The following RC3H1 variants were observed in gnomAD, a reference collection of about 807,000 sequenced individuals.
RC3H1 encodes roquin-1.
In RC3H1, 50 loss-of-function variants were observed where a neutral mutation model predicts 138.2. The ratio of observed to expected loss-of-function variants is 0.36; its 90% CI spans 0.29 to 0.46. The LOEUF (loss-of-function observed/expected upper bound fraction) is 0.46. Ranked by LOEUF, RC3H1 falls within the 20% of genes least tolerant of loss-of-function variation. The probability of loss-of-function intolerance (pLI) is 1.00; values close to 1 mark genes in which losing one functional copy is unlikely to be tolerated. For missense variants in RC3H1, 1,031 were observed against 1,388.1 expected, an observed-to-expected ratio of 0.74 and a Z score of 4.09; for synonymous variants, 462 against 489.1, an observed-to-expected ratio of 0.94 and a Z score of 0.73.
At chr1:173,955,507 G>A (rs1006627558) in intron 13 of RC3H1, among the ~76,000 whole-genome samples, 1 of 151,488 alleles carries the variant, frequency 6.6e-6, no homozygotes, top group Non-Finnish European at 1.5e-5. Flanking sequence ...ATTTTTCGTA[G>A]AGACAGGGTT....
In RC3H1 at chr1:174,012,036, C is replaced by T. The variant is rs541364752; in HGVS notation, c.-151+10060G>A. Reference sequence around the variant, plus strand: ...GACCAGCCTGGGCAACACGGCAAGACGCCGTCTCTACAAAAAATACAAAAA... The same window carrying T: ...GACCAGCCTGGGCAACACGGCAAGATGCCGTCTCTACAAAAAATACAAAAA... On this transcript the variant is annotated intron_variant, in intron 1 of 19. Coordinates refer to ENST00000367696, the MANE Select transcript of RC3H1 (RefSeq NM_172071.4). 8.5e-5 allele frequency among the ~76,000 whole-genome samples: 13 copies of T among 152,164 alleles called. No individual in the cohort carries two copies. In the South Asian group the frequency reaches 2.3e-3, roughly 27 times the overall value.
At chr1:174,008,612 G>A (rs1478609813) in intron 1 of RC3H1, among the ~76,000 whole-genome samples, 4 of 152,158 alleles carry the variant, frequency 2.6e-5, no homozygotes, top group Non-Finnish European at 4.4e-5. Context: ...TAGCCACAAT[G>A]TATCTTGTTT....
chr1:173,933,548 G>C lies in RC3H1; in HGVS notation c.*5173C>G, dbSNP rs1177380062. 1 of 152,050 alleles carries C rather than the reference G, an allele frequency of 6.6e-6. No homozygotes were observed. Among genetic ancestry groups the C allele is most frequent in the Non-Finnish European group, 1.5e-5 (1 of 67,958 alleles). 9.4% of individuals were successfully genotyped at this position (152,050 alleles called of 1,614,324 possible). ...TAAGATTTACTTGCTACAATTAATAGTACCTTTTGACAAAAACAGCTTTCT... is the reference window on the plus strand; with the variant it reads ...TAAGATTTACTTGCTACAATTAATACTACCTTTTGACAAAAACAGCTTTCT... On this transcript the variant is annotated 3_prime_UTR_variant, in exon 20 of 20. Coordinates refer to ENST00000367696, the MANE Select transcript of RC3H1 (RefSeq NM_172071.4).
At chr1:173,998,853 G>A (rs1403756234) in intron 1 of RC3H1, among the ~76,000 whole-genome samples, 1 of 152,172 alleles carries the variant, frequency 6.6e-6, no homozygotes, top group Non-Finnish European at 1.5e-5. Context: ...GCACTTTTGG[G>A]TGGCTGAGGT....
At chr1:173,970,838 T>C (rs907898328) in intron 8 of RC3H1, among the ~76,000 whole-genome samples, 4 of 152,204 alleles carry the variant, frequency 2.6e-5, no homozygotes, top group Non-Finnish European at 5.9e-5. Context: ...TTCTGATATG[T>C]TGATATTAAT....
intron 1 of RC3H1, among the ~76,000 whole-genome samples, chr1:174,009,015 T>C (rs1251653340): frequency 1.3e-5 from 2 of 150,696 alleles, no homozygotes; most frequent in Non-Finnish European, 3.0e-5. Flanking sequence ...TTTTGCTGAT[T>C]CCCAAGTAGC....
At position 173,964,140 on chromosome 1, in the gene RC3H1, T is replaced by C. The variant is rs1489219082; in HGVS notation, c.1664A>G (p.His555Arg). The change falls in exon 11 of 20, where the codon CAT becomes CGT. Residue 555 changes from histidine to arginine, a missense_variant. Physicochemically the swap from His to Arg is conservative, Grantham distance 29. Transcript: ENST00000367696. ...TGCTGGCCCCCTTGGAGGTATAGAA[T>C]GTGGATTCACAGGTAAGGCAGAAAT... Reference protein sequence around the residue: ...KSISALPVNPHSIPPRGPADL... With the variant: ...KSISALPVNPRSIPPRGPADL... 5 of 1,614,044 alleles carry C rather than the reference T, an allele frequency of 3.1e-6. No individual in the cohort carries two copies. Among genetic ancestry groups the C allele is most frequent in the South Asian group, 1.1e-5 (1 of 91,096 alleles).
At chr1:173,992,629 T>A (rs542033622) in intron 2 of RC3H1, 126 bp downstream of exon 2, 1 of 688,966 alleles carries the variant, frequency 1.5e-6, no homozygotes, top group Admixed American at 2.7e-5. Context: ...TGTTACCCAA[T>A]TTTAATTCAA....
At chr1:173,955,922 G>A (rs1315330565) in intron 13 of RC3H1, among the ~76,000 whole-genome samples, 1 of 152,068 alleles carries the variant, frequency 6.6e-6, no homozygotes, top group African/African-American at 2.4e-5. Context: ...TCTGAGGTTA[G>A]GAGATCAAGA....
rs1321041585 is a variant in RC3H1, at chr1:173,965,031, G to A, written c.1424C>T (p.Ala475Val). ...QLNEVGLPSAAILPDEGAVDL... is the reference protein window; with the variant it reads ...QLNEVGLPSAVILPDEGAVDL... ...CACTGCACCTTCATCTGGAAGGATAGCTGCTGAAGGCAGGCCCACCTCATT... is the reference window on the plus strand; with the variant it reads ...CACTGCACCTTCATCTGGAAGGATAACTGCTGAAGGCAGGCCCACCTCATT... Residue 475 changes from alanine (A) to valine (V), a missense_variant, in exon 10 of 20, where the codon GCT becomes GTT. This residue lies in a region of RC3H1 where 716 missense variants were observed against 837.9 expected (regional missense o/e 0.85). Coordinates refer to ENST00000367696, the MANE Select transcript of RC3H1 (RefSeq NM_172071.4). 1.2e-5 allele frequency: 19 copies of A among 1,614,068 alleles called. No homozygotes were observed. The highest frequency in any genetic ancestry group is 1.6e-5 in the Non-Finnish European group (19 of 1,180,036).
At chr1:174,021,693 C>T (rs1661963966) in intron 1 of RC3H1, among the ~76,000 whole-genome samples, 1 of 152,098 alleles carries the variant, frequency 6.6e-6, no homozygotes, top group Non-Finnish European at 1.5e-5. Context: ...TTACAGACGC[C>T]TTCGCCCTCC....
chr1:173,983,751 C>G, intron 3 of RC3H1, 94 bp from the exon 4 acceptor site: 1 of 1,300,594 alleles, frequency 7.7e-7, no homozygotes, highest in Non-Finnish European at 1.1e-6. Context: ...GGGTATGTGA[C>G]TAGTTCTGGG....
intron 11 of RC3H1, 77 bp from the exon 12 acceptor site, chr1:173,962,172 A>G: frequency 1.6e-6 from 2 of 1,276,532 alleles, no homozygotes; most frequent in South Asian, 1.5e-5. Flanking sequence ...ACCTTTTAAA[A>G]TACTGAAACA....
intron 9 of RC3H1, among the ~76,000 whole-genome samples, chr1:173,969,657 C>T (rs1396568822): frequency 6.6e-6 from 1 of 151,660 alleles, no homozygotes; most frequent in Non-Finnish European, 1.5e-5. Flanking sequence ...CCCTTAAGCC[C>T]AGGAGTTTGA....
intron 1 of RC3H1, among the ~76,000 whole-genome samples, chr1:174,006,434 C>T (rs1368984487): frequency 6.6e-6 from 1 of 152,060 alleles, no homozygotes; most frequent in Non-Finnish European, 1.5e-5. Context: ...GATATTATTA[C>T]CTCTACTTTA....
At chr1:173,968,934 C>T (rs1660234292) in intron 9 of RC3H1, among the ~76,000 whole-genome samples, 1 of 149,434 alleles carries the variant, frequency 6.7e-6, no homozygotes, top group Admixed American at 6.7e-5. Flanking sequence ...TCTCGGCTCA[C>T]TGCAACCTCC....
At chr1:173,944,513 C>T (rs1370711328) in intron 17 of RC3H1, among the ~76,000 whole-genome samples, 1 of 152,052 alleles carries the variant, frequency 6.6e-6, no homozygotes, top group Non-Finnish European at 1.5e-5. Context: ...CACATGTATA[C>T]CACATGTAAC....
intron 10 of RC3H1, 130 bp from the exon 11 acceptor site, chr1:173,964,317 C>A: frequency 1.4e-6 from 1 of 710,606 alleles, no homozygotes; most frequent in Non-Finnish European, 2.3e-6. Flanking sequence ...ACAAAATTTG[C>A]AATTTTTAAA....
intron 1 of RC3H1, among the ~76,000 whole-genome samples, chr1:174,018,837 TA>T (rs1209312189): frequency 6.6e-6 from 1 of 152,236 alleles, no homozygotes; most frequent in Non-Finnish European, 1.5e-5. Flanking sequence ...TTTATCAGTT[TA>T]TTCTTCACTT....
Sources: gnomAD v4.1 joint callset for allele counts (sites outside exome capture counted in the v4.1 genomes callset) on GRCh38, gnomAD v4.1.1 for gene constraint, gnomAD v4.1.1 regional missense constraint, MANE v1.5 for transcripts, NCBI Gene and HGNC (gene_info 2026-07-23, HGNC 2026-07-21) for gene names.